LRMDA: variants seen among roughly 807,000 people sequenced by gnomAD.
LRMDA encodes the protein leucine rich melanocyte differentiation associated.
LRMDA carries 18 observed loss-of-function variants against 29.8 expected under a neutral mutation model. The observed-to-expected ratio is 0.60, with a 90% confidence interval of 0.42 to 0.90. The LOEUF is 0.90. Ranked by LOEUF, LRMDA falls within the 40% of genes least tolerant of loss-of-function variation. The pLI, the probability that LRMDA is intolerant of heterozygous loss-of-function variation, is 0.00. For synonymous variants in LRMDA, 125 were observed against 109.4 expected (o/e 1.14, Z -0.89); for missense variants, 273 against 273.9 (o/e 1.00, Z 0.02).
chr10:75,866,045 G>A (rs990862257), intron 2 of LRMDA, among the ~76,000 whole-genome samples: 4 of 152,090 alleles, frequency 2.6e-5, no homozygotes, highest in South Asian at 2.1e-4. Context: ...TTAGTCTGGC[G>A]TTAGAAAAGG....
rs539475778 is a variant in LRMDA at position 75,915,416 on chromosome 10, G to A, written c.132-120592G>A. ...CTCCCAAAGTGCTAGGATTATAGGC[G>A]TGAGCCACTGTACCTGGCCCTAACT... is the stretch of plus-strand genomic sequence containing the variant. On this transcript the variant is annotated intron_variant, in intron 2 of 6. Coordinates refer to ENST00000611255, the MANE Select transcript of LRMDA (RefSeq NM_001305581.2). 4.6e-5 allele frequency among the ~76,000 whole-genome samples: 7 copies of A among 152,096 alleles called. No individual in the cohort carries two copies. The East Asian group carries it at 5.8e-4, about 13-fold the overall frequency.
At chr10:75,910,513 T>C (rs1845825584) in intron 2 of LRMDA, among the ~76,000 whole-genome samples, 2 of 152,204 alleles carry the variant, frequency 1.3e-5, no homozygotes, top group Admixed American at 1.3e-4. Context: ...GTCCAGTATT[T>C]TGCTGTCACT....
intron 2 of LRMDA, among the ~76,000 whole-genome samples, chr10:75,960,135 GT>G (rs769543062): frequency 7.2e-5 from 11 of 152,106 alleles, no homozygotes; most frequent in Non-Finnish European, 1.5e-4. Context: ...TAGAACTCCA[GT>G]TTCTGTTTCA....
At chr10:76,478,434 T>G (rs1003822889) in intron 6 of LRMDA, among the ~76,000 whole-genome samples, 74 of 152,078 alleles carry the variant, frequency 4.9e-4, no homozygotes, top group Admixed American at 5.2e-4. Context: ...TAGGAAGAGT[T>G]TTACACTGTT....
intron 5 of LRMDA, among the ~76,000 whole-genome samples, chr10:76,209,493 C>T (rs1054407086): frequency 2.0e-5 from 3 of 152,168 alleles, no homozygotes; most frequent in African/African-American, 7.2e-5. Context: ...GTATATTGTA[C>T]GTGATCCATG....
At chr10:75,520,342 A>G (rs1336520365) in intron 2 of LRMDA, among the ~76,000 whole-genome samples, 2 of 152,194 alleles carry the variant, frequency 1.3e-5, no homozygotes, top group African/African-American at 2.4e-5. Context: ...GGTCTTTCAC[A>G]TAGTCCCATA....
At chr10:76,358,353 G>T (rs1422881273) in intron 6 of LRMDA, among the ~76,000 whole-genome samples, 1 of 152,196 alleles carries the variant, frequency 6.6e-6, no homozygotes, top group Non-Finnish European at 1.5e-5. Flanking sequence ...AGGATGTCCA[G>T]AAACAAAGGG....
intron 2 of LRMDA, among the ~76,000 whole-genome samples, chr10:75,943,286 A>T (rs1331159353): frequency 6.6e-6 from 1 of 152,154 alleles, no homozygotes; most frequent in Non-Finnish European, 1.5e-5. Context: ...GGAATCTCCT[A>T]TGACACTCAT....
chr10:75,827,283 G>A (rs1844263334), intron 2 of LRMDA, among the ~76,000 whole-genome samples: 1 of 152,162 alleles, frequency 6.6e-6, no homozygotes, highest in Non-Finnish European at 1.5e-5. Flanking sequence ...AGAGGAATAA[G>A]CAAGAGACCT....
intron 6 of LRMDA, among the ~76,000 whole-genome samples, chr10:76,371,590 T>C (rs1280873583): frequency 6.6e-6 from 1 of 152,072 alleles, no homozygotes; most frequent in Non-Finnish European, 1.5e-5. Context: ...ATAAGTATAG[T>C]CTAGGGTAAT....
chr10:75,848,492 A>G (rs1352868325), intron 2 of LRMDA, among the ~76,000 whole-genome samples: 1 of 152,142 alleles, frequency 6.6e-6, no homozygotes, highest in South Asian at 2.1e-4. Flanking sequence ...CAGGCCTGTA[A>G]ACATACCTCT....
At chr10:76,452,092 C>T (rs972422580) in intron 6 of LRMDA, among the ~76,000 whole-genome samples, 1 of 152,170 alleles carries the variant, frequency 6.6e-6, no homozygotes, top group Admixed American at 6.5e-5. Flanking sequence ...TCTGAGGTCA[C>T]TTATCAGATG....
intron 6 of LRMDA, among the ~76,000 whole-genome samples, chr10:76,418,328 T>TTGTGTG (rs35733567): frequency 1.3e-5 from 2 of 149,532 alleles, no homozygotes; most frequent in South Asian, 2.1e-4. Context: ...TTAGTTTTTC[T>TTGTGTG]TGTGTGTGTG....
intron 5 of LRMDA, among the ~76,000 whole-genome samples, chr10:76,139,929 T>C (rs905772541): frequency 2.6e-5 from 4 of 152,252 alleles, no homozygotes; most frequent in African/African-American, 9.6e-5. Flanking sequence ...ACAGTGCCTC[T>C]CTGGGGATGG....
intron 5 of LRMDA, among the ~76,000 whole-genome samples, chr10:76,287,730 G>T (rs887715425): frequency 1.3e-5 from 2 of 152,058 alleles, no homozygotes; most frequent in Non-Finnish European, 2.9e-5. Context: ...AGGAAAAAAA[G>T]TTCTTGCTAA....
At chr10:76,350,541 CG>C (rs1841163333) in intron 6 of LRMDA, among the ~76,000 whole-genome samples, 2 of 151,168 alleles carry the variant, frequency 1.3e-5, no homozygotes, top group African/African-American at 4.9e-5. Flanking sequence ...AGGCAGGAGT[CG>C]GGGATTATGG....
chr10:76,328,817 A>T (rs1002715114), intron 6 of LRMDA, among the ~76,000 whole-genome samples: 1 of 152,246 alleles, frequency 6.6e-6, no homozygotes, highest in Admixed American at 6.5e-5. Context: ...TTTGAAAACA[A>T]AAAGGGTGAA....
At chr10:76,111,268 C>T (rs1438140806) in intron 5 of LRMDA, among the ~76,000 whole-genome samples, 1 of 152,246 alleles carries the variant, frequency 6.6e-6, no homozygotes, top group African/African-American at 2.4e-5. Flanking sequence ...TGCTTCTCTG[C>T]TTCCTTAAAT....
At chr10:75,586,467 C>T (rs1455459443) in intron 2 of LRMDA, among the ~76,000 whole-genome samples, 1 of 149,782 alleles carries the variant, frequency 6.7e-6, no homozygotes, top group Non-Finnish European at 1.5e-5. Flanking sequence ...AAGGGAGTCT[C>T]CCACCTCAGC....
Sources: gnomAD v4.1 joint callset for allele counts (sites outside exome capture counted in the v4.1 genomes callset) on GRCh38, gnomAD v4.1.1 for gene constraint, MANE v1.5 for transcripts, NCBI Gene and HGNC (gene_info 2026-07-23, HGNC 2026-07-21) for gene names.